The following ERC2 variants were observed in gnomAD, a reference collection of about 807,000 sequenced individuals.
ERC2 encodes the protein ERC protein 2.
A neutral mutation model predicts 114.8 loss-of-function variants in ERC2; 42 were observed. The ratio of observed to expected loss-of-function variants is 0.37; its 90% CI spans 0.29 to 0.47. The LOEUF (loss-of-function observed/expected upper bound fraction) is 0.47, where lower values mean the gene tolerates loss of function less well. Ranked by LOEUF, ERC2 falls within the 20% of genes least tolerant of loss-of-function variation. The probability of loss-of-function intolerance (pLI) is 0.99; values close to 1 mark genes in which losing one functional copy is unlikely to be tolerated. For missense variants in ERC2, 939 were observed against 1,150.7 expected, an observed-to-expected ratio of 0.82 and a Z score of 2.66; for synonymous variants, 454 against 425.5, an observed-to-expected ratio of 1.07 and a Z score of -0.82.
intron 7 of ERC2, among the ~76,000 whole-genome samples, chr3:56,063,151 A>G (rs2076319243): frequency 6.6e-6 from 1 of 152,178 alleles, no homozygotes; most frequent in Non-Finnish European, 1.5e-5. Flanking sequence ...CATTTTTATG[A>G]CATTCTAGAA....
At chr3:56,221,760 A>T (rs1390933132) in intron 3 of ERC2, among the ~76,000 whole-genome samples, 2 of 152,038 alleles carry the variant, frequency 1.3e-5, no homozygotes, top group African/African-American at 4.8e-5. Flanking sequence ...AAAAATTTGC[A>T]GAGTGTGGTA....
chr3:55,785,702 C>T (rs2069429078), intron 14 of ERC2, among the ~76,000 whole-genome samples: 3 of 152,212 alleles, frequency 2.0e-5, no homozygotes, highest in South Asian at 4.1e-4. Flanking sequence ...TCAGCAATGC[C>T]TCTACTTGGG....
intron 14 of ERC2, among the ~76,000 whole-genome samples, chr3:55,872,002 T>C (rs1157849992): frequency 2.0e-5 from 3 of 152,154 alleles, no homozygotes; most frequent in Non-Finnish European, 4.4e-5. Flanking sequence ...TATCTTAGTT[T>C]TGCTTCAAAA....
chr3:56,382,559 T>C (rs899699941), intron 2 of ERC2, among the ~76,000 whole-genome samples: 3 of 152,152 alleles, frequency 2.0e-5, no homozygotes, highest in Non-Finnish European at 4.4e-5. Context: ...TTTCCTGATC[T>C]ATCTAAAGTA....
chr3:56,040,973 C>T (rs1025400182), intron 7 of ERC2, among the ~76,000 whole-genome samples: 2 of 151,668 alleles, frequency 1.3e-5, no homozygotes, highest in African/African-American at 4.8e-5. Context: ...TGAGGTTTTC[C>T]ACTTCTTAAA....
chr3:56,400,090 T>C (rs2060465527), intron 2 of ERC2, among the ~76,000 whole-genome samples: 1 of 152,168 alleles, frequency 6.6e-6, no homozygotes, highest in South Asian at 2.1e-4. Context: ...TTTGGTGGTA[T>C]TAAAGAAATA....
chr3:55,808,742 T>A (rs186962678), intron 14 of ERC2, among the ~76,000 whole-genome samples: 12,492 of 100,230 alleles, frequency 0.12, 1,023 homozygotes, highest in East Asian at 0.21. Flanking sequence ...TATATATATA[T>A]AACGTATAAC....
intron 6 of ERC2, 28 bp downstream of exon 6, chr3:56,139,481 T>C (rs1393982493): frequency 1.9e-6 from 3 of 1,590,826 alleles, no homozygotes; most frequent in Non-Finnish European, 2.6e-6. Flanking sequence ...ATGTCTCTGC[T>C]GTCTAGAATC....
At chr3:55,889,965 A>G (rs1446836312) in intron 13 of ERC2, among the ~76,000 whole-genome samples, 1 of 152,194 alleles carries the variant, frequency 6.6e-6, no homozygotes, top group East Asian at 1.9e-4. Context: ...TTGCCCTGAT[A>G]AAAAGAGGAA....
chr3:55,733,194 G>A (rs181870334), intron 15 of ERC2, among the ~76,000 whole-genome samples: 25 of 152,204 alleles, frequency 1.6e-4, no homozygotes, highest in Admixed American at 9.8e-4. Flanking sequence ...AAAGAAAGAC[G>A]CTCATTTTGA....
intron 3 of ERC2, among the ~76,000 whole-genome samples, chr3:56,280,973 T>C (rs886455942): frequency 3.3e-5 from 5 of 152,190 alleles, no homozygotes; most frequent in African/African-American, 1.2e-4. Flanking sequence ...CAAAGTTAAG[T>C]GCTCAATAAA....
At chr3:56,358,132 A>G (rs1467787353) in intron 2 of ERC2, among the ~76,000 whole-genome samples, 1 of 152,114 alleles carries the variant, frequency 6.6e-6, no homozygotes, top group Non-Finnish European at 1.5e-5. Flanking sequence ...TCAGAAAATG[A>G]GTTTATTGTT....
At chr3:55,565,499 C>T (rs2056309160) in intron 17 of ERC2, among the ~76,000 whole-genome samples, 1 of 152,012 alleles carries the variant, frequency 6.6e-6, no homozygotes, top group South Asian at 2.1e-4. Context: ...TCAGTGAATC[C>T]ACGTTCCACC....
chr3:56,247,366 A>G (rs1377139629), intron 3 of ERC2, among the ~76,000 whole-genome samples: 1 of 152,258 alleles, frequency 6.6e-6, no homozygotes, highest in Non-Finnish European at 1.5e-5. Context: ...TATTTAATAA[A>G]TCTAAAAATG....
intron 13 of ERC2, among the ~76,000 whole-genome samples, chr3:55,892,271 A>T (rs1288600213): frequency 6.6e-6 from 1 of 152,232 alleles, no homozygotes; most frequent in Admixed American, 6.5e-5. Flanking sequence ...TTGGGAGGCC[A>T]GGGCCAGTGG....
At chr3:55,879,963 C>A (rs1171900682) in intron 14 of ERC2, among the ~76,000 whole-genome samples, 2 of 152,228 alleles carry the variant, frequency 1.3e-5, no homozygotes, top group Non-Finnish European at 2.9e-5. Flanking sequence ...CCTTTCTGTT[C>A]ACTAAGAACA....
At chr3:55,627,084 C>T (rs1019116980) in intron 17 of ERC2, among the ~76,000 whole-genome samples, 2 of 152,228 alleles carry the variant, frequency 1.3e-5, no homozygotes, top group African/African-American at 4.8e-5. Flanking sequence ...AAATTATTTT[C>T]AGTGGATAAA....
chr3:55,650,483 C>G lies in ERC2; in HGVS notation c.*39+33311G>C, dbSNP rs891823815. Among the ~76,000 whole-genome samples, 3 of 152,190 alleles carry G rather than the reference C, an allele frequency of 2.0e-5. No homozygotes were observed. The East Asian group carries it at 5.8e-4, about 29-fold the overall frequency. ...ATTTCGTCTGAGGCAACATCCTCCCCTCTTGGTCTCTTCCCCTTCATTTCC... is the reference window on the plus strand; with the variant it reads ...ATTTCGTCTGAGGCAACATCCTCCCGTCTTGGTCTCTTCCCCTTCATTTCC... On this transcript the variant is annotated intron_variant, in intron 17 of 17. Transcript: ENST00000288221.
chr3:56,193,574 T>C (rs1341170357), intron 3 of ERC2, among the ~76,000 whole-genome samples: 1 of 152,190 alleles, frequency 6.6e-6, no homozygotes, highest in East Asian at 1.9e-4. Context: ...ATTTTCAAGT[T>C]TCTTTTTTGT....
Sources: gnomAD v4.1 joint callset for allele counts (sites outside exome capture counted in the v4.1 genomes callset) on GRCh38, gnomAD v4.1.1 for gene constraint, MANE v1.5 for transcripts, NCBI Gene and HGNC (gene_info 2026-07-23, HGNC 2026-07-21) for gene names.